Variants in ZNF248 observed in about 807,000 individuals in gnomAD.
The protein encoded by ZNF248 is KRAB protein domain.
Under a neutral mutation model 44.3 loss-of-function variants are expected in ZNF248, and 20 were observed. The observed-to-expected ratio is 0.45, with a 90% CI of 0.32 to 0.66. The LOEUF (loss-of-function observed/expected upper bound fraction) is 0.66, where lower values mean the gene tolerates loss of function less well. ZNF248 is among the 30% of genes least tolerant of loss of function. The pLI is 0.04. For synonymous variants in ZNF248, 224 were observed against 229.0 expected, an observed-to-expected ratio of 0.98 and a Z score of 0.20; for missense variants, 654 against 677.0, an observed-to-expected ratio of 0.97 and a Z score of 0.38.
intron 6 of ZNF248, chr10:37,820,372 G>A (rs1337418764): frequency 1.9e-5 from 27 of 1,456,488 alleles, no homozygotes; most frequent in Non-Finnish European, 2.2e-5. Context: ...GGGTCAAGCC[G>A]AGGTTTTGTT....
chr10:37,826,212 T>C (rs1455294136), downstream of ZNF248, among the ~76,000 whole-genome samples: 2 of 152,102 alleles, frequency 1.3e-5, no homozygotes, highest in Non-Finnish European at 2.9e-5. Context: ...GACACTGAAA[T>C]ATAAGAAGTA....
intron 6 of ZNF248, chr10:37,819,030 T>C: frequency 1.2e-6 from 1 of 824,850 alleles, no homozygotes; most frequent in East Asian, 2.5e-5. Context: ...GTCAGCTCCA[T>C]GCCACCCACT....
At chr10:37,826,499 C>T (rs1242376315), downstream of ZNF248, among the ~76,000 whole-genome samples, 3 of 152,056 alleles carry the variant, frequency 2.0e-5, no homozygotes, top group Non-Finnish European at 4.4e-5. Flanking sequence ...AAGTTATGGA[C>T]GTTCAGGTAC....
intron 6 of ZNF248, among the ~76,000 whole-genome samples, chr10:37,798,209 AC>A (rs2049377718): frequency 6.6e-6 from 1 of 152,178 alleles, no homozygotes. Context: ...GAAGTCGGAC[AC>A]CAAAGGTGAC....
chr10:37,800,829 T>C (rs2049723299), intron 6 of ZNF248, among the ~76,000 whole-genome samples: 1 of 151,974 alleles, frequency 6.6e-6, no homozygotes, highest in Non-Finnish European at 1.5e-5. Flanking sequence ...TGGCACGATC[T>C]TGGCTCACTG....
At chr10:37,849,153 G>A (rs866437182) in intron 3 of ZNF248, among the ~76,000 whole-genome samples, 3 of 152,072 alleles carry the variant, frequency 2.0e-5, no homozygotes, top group Admixed American at 6.6e-5. Flanking sequence ...TTAACAACAG[G>A]CCAGACATGG....
At chr10:37,763,726 A>G in the ZNF248 span, among the ~76,000 whole-genome samples, 16 of 152,370 alleles carry the variant, frequency 1.1e-4, no homozygotes, top group African/African-American at 3.6e-4. Context: ...GAACAGAGGG[A>G]CCGGCTGAAG....
chr10:37,824,393 A>C (rs2054005286), downstream of ZNF248, among the ~76,000 whole-genome samples: 1 of 152,184 alleles, frequency 6.6e-6, no homozygotes, highest in Non-Finnish European at 1.5e-5. Context: ...TAGACCAAGC[A>C]TCTGGGCACC....
chr10:37,831,139 AC>A lies in ZNF248; in HGVS notation c.*475del. ...AATATTAACAAATACCATAGTAGTT[AC>A]TCAATTAAGGGTACGTATCTTCTCC... is the stretch of plus-strand genomic sequence containing the variant. On this transcript the variant is annotated 3_prime_UTR_variant, in exon 6 of 6. Coordinates refer to ENST00000395867, the MANE Select transcript of ZNF248 (RefSeq NM_021045.3). 1 of 1,463,558 alleles carries A rather than the reference AC, an allele frequency of 6.8e-7. No homozygotes were observed. Among genetic ancestry groups the A allele is most frequent in the South Asian group, 1.5e-5 (1 of 68,602 alleles). The allele number at this position is 1,463,558 out of a possible 1,614,324, so 90.7% of individuals were successfully genotyped here.
chr10:37,819,435 T>C, intron 6 of ZNF248: 4 of 1,575,522 alleles, frequency 2.5e-6, no homozygotes, highest in Non-Finnish European at 3.5e-6. Context: ...CAGTTTTTAT[T>C]TAACTGGTGA....
intron 6 of ZNF248, among the ~76,000 whole-genome samples, chr10:37,787,070 G>A (rs941519602): frequency 2.6e-5 from 4 of 152,060 alleles, no homozygotes; most frequent in African/African-American, 9.7e-5. Context: ...ACAAGGTCAG[G>A]AGATCCAGAC....
chr10:37,763,568 T>C, the ZNF248 span, among the ~76,000 whole-genome samples: 2 of 152,208 alleles, frequency 1.3e-5, no homozygotes, highest in African/African-American at 4.8e-5. Flanking sequence ...ACTGTATTAA[T>C]ATAAAAAAGA....
At chr10:37,834,667 T>C (rs2056723175) in intron 5 of ZNF248, among the ~76,000 whole-genome samples, 1 of 152,212 alleles carries the variant, frequency 6.6e-6, no homozygotes, top group Admixed American at 6.5e-5. Flanking sequence ...GGTGAGTTAA[T>C]GTCATAAAAT....
the ZNF248 span, among the ~76,000 whole-genome samples, chr10:37,768,026 A>C: frequency 3.3e-5 from 5 of 152,250 alleles, no homozygotes; most frequent in African/African-American, 1.2e-4. Flanking sequence ...AAAGAGACAA[A>C]GAAGGCCATT....
chr10:37,856,546 A>C lies in ZNF248; in HGVS notation c.-125-14T>G. On this transcript the variant is annotated splice_polypyrimidine_tract_variant and intron_variant, in intron 1 of 5. Transcript: ENST00000395867. ...CCAATTTAGGTTCTGTGACACAGAA[A>C]AATTAAAAACATGAAAAGATGAGTT... The C allele has an allele frequency of 8.3e-7, 1 of 1,201,608 alleles. No individual in the cohort carries two copies. The highest frequency in any genetic ancestry group is 1.0e-6 in the Non-Finnish European group (1 of 967,712). 74.4% of individuals were successfully genotyped at this position (1,201,608 alleles called of 1,614,324 possible).
At chr10:37,837,177 A>G (rs548291843) in intron 5 of ZNF248, among the ~76,000 whole-genome samples, 3 of 151,852 alleles carry the variant, frequency 2.0e-5, no homozygotes, top group Admixed American at 2.0e-4. Flanking sequence ...ACAGTGGCAC[A>G]ATCTCGGCTC....
chr10:37,846,741 C>T (rs1356789505), intron 3 of ZNF248, among the ~76,000 whole-genome samples: 1 of 152,108 alleles, frequency 6.6e-6, no homozygotes, highest in East Asian at 1.9e-4. Flanking sequence ...CTTAGCAAAA[C>T]ATAAGCATCA....
At chr10:37,773,467 T>C (rs569951290), downstream of ZNF248, among the ~76,000 whole-genome samples, 1 of 152,232 alleles carries the variant, frequency 6.6e-6, no homozygotes, top group Non-Finnish European at 1.5e-5. Context: ...GCAGCCGCTA[T>C]GGAAAAGAGT....
rs533492510 is a variant in ZNF248, at chr10:37,800,138, CA to C, written c.331-23564del. Among the ~76,000 whole-genome samples, 86 of 152,218 alleles carry C rather than the reference CA, an allele frequency of 5.6e-4. 1 individual carries two copies. In the South Asian group the frequency reaches 6.6e-3, roughly 12 times the overall value. On this transcript the variant is annotated intron_variant, in intron 6 of 6. Coordinates refer to the ZNF248 transcript ENST00000615949. ...ATTTAAAAAACTTTTATTTTAGGTT[CA>C]GGGGTACATGTACGGGTTTGTTATA... is the stretch of plus-strand genomic sequence containing the variant.
Sources: allele counts gnomAD v4.1 joint callset (sites outside exome capture counted in the v4.1 genomes callset), GRCh38; gene constraint gnomAD v4.1.1; transcripts MANE v1.5; gene names NCBI Gene and HGNC (gene_info 2026-07-23, HGNC 2026-07-21).